CALN1: variants seen among roughly 807,000 people sequenced by gnomAD.
The protein encoded by CALN1 is calneuron 1.
Under a neutral mutation model 30.6 loss-of-function variants are expected in CALN1, and 17 were observed. The ratio of observed to expected loss-of-function variants is 0.56; its 90% CI spans 0.38 to 0.83. The LOEUF (loss-of-function observed/expected upper bound fraction) is 0.83. Among genes scored for constraint, CALN1 ranks in the 40% least tolerant of loss-of-function variants. The pLI, the probability that CALN1 is intolerant of heterozygous loss-of-function variation, is 0.00. For synonymous variants in CALN1, 156 were observed against 131.4 expected, an observed-to-expected ratio of 1.19 and a Z score of -1.28; for missense variants, 291 against 354.9, an observed-to-expected ratio of 0.82 and a Z score of 1.45.
chr7:71,923,027 T>TCTATACTATA (rs112246797), intron 5 of CALN1, among the ~76,000 whole-genome samples: 128 of 149,720 alleles, frequency 8.5e-4, no homozygotes, highest in African/African-American at 1.8e-3. Flanking sequence ...ACTATACTAT[T>TCTATACTATA]CTATACTATA....
chr7:72,351,603 T>G (rs552204476), intron 2 of CALN1, among the ~76,000 whole-genome samples: 1 of 152,306 alleles, frequency 6.6e-6, no homozygotes, highest in South Asian at 2.1e-4. Flanking sequence ...GATAGTCAAT[T>G]TATCCATGAA....
rs541858259 is a variant in CALN1 at position 72,230,050 on chromosome 7, G to A, written c.244+48636C>T. Among the ~76,000 whole-genome samples, 7 of 149,472 alleles carry A rather than the reference G, an allele frequency of 4.7e-5. 1 individual carries two copies. Among genetic ancestry groups the A allele is most frequent in the Non-Finnish European group, 9.0e-5 (6 of 66,434 alleles). ...CAGCTACTCAGGAGGCTGAGGCAGG[G>A]GAATGGCGTGAACCCAGGAGGCAGA... is the stretch of plus-strand genomic sequence containing the variant. On this transcript the variant is annotated intron_variant, in intron 3 of 6. Coordinates refer to ENST00000395275, the MANE Select transcript of CALN1 (RefSeq NM_031468.4).
At chr7:72,314,388 T>TATATACACATATATATACAC (rs1418350706) in intron 2 of CALN1, among the ~76,000 whole-genome samples, 3 of 143,752 alleles carry the variant, frequency 2.1e-5, no homozygotes, top group Non-Finnish European at 4.7e-5. Flanking sequence ...TATATACACA[T>TATATACACATATATATACAC]ATATATACAC....
intron 2 of CALN1, among the ~76,000 whole-genome samples, chr7:72,281,255 G>C (rs371785282): frequency 4.6e-5 from 7 of 152,126 alleles, no homozygotes; most frequent in African/African-American, 1.7e-4. Flanking sequence ...GCCCCTGAAA[G>C]ATGTAGGACC....
At chr7:72,377,437 G>A (rs1478449413) in intron 2 of CALN1, among the ~76,000 whole-genome samples, 2 of 3,602 alleles carry the variant, frequency 5.6e-4, no homozygotes, top group Non-Finnish European at 3.4e-3. Context: ...CCACACTTTC[G>A]TGTGTGTGTG....
rs190944969 is a variant in CALN1, at chr7:71,894,825, T to G, written c.502-84333A>C. ...GTTTAATTTGTATCAATTCTGTATA[T>G]TTCTTATTAAGGTTATTCCTGTGTG... is the stretch of plus-strand genomic sequence containing the variant. On this transcript the variant is annotated intron_variant, in intron 5 of 6. Transcript: ENST00000395275. 2.3e-4 allele frequency among the ~76,000 whole-genome samples: 35 copies of G among 152,376 alleles called. No individual in the cohort carries two copies. In the East Asian group the frequency reaches 6.4e-3, roughly 28 times the overall value.
intron 5 of CALN1, among the ~76,000 whole-genome samples, chr7:72,020,363 C>A (rs73368155): frequency 0.11 from 16,032 of 152,228 alleles, 1,141 homozygotes; most frequent in African/African-American, 0.2. Context: ...CACATGCACA[C>A]ACTCAGCTTT....
chr7:72,142,236 G>A (rs533463672), intron 3 of CALN1, among the ~76,000 whole-genome samples: 8 of 152,232 alleles, frequency 5.3e-5, no homozygotes, highest in Non-Finnish European at 1.0e-4. Context: ...AGGGAAGAAG[G>A]GACAAATGGC....
At chr7:72,417,114 C>T (rs1206195301), upstream of CALN1, among the ~76,000 whole-genome samples, 2 of 152,182 alleles carry the variant, frequency 1.3e-5, no homozygotes, top group Non-Finnish European at 2.9e-5. Context: ...AGGCGGAGGG[C>T]GGTCCCAGCC....
At chr7:72,102,956 C>T (rs573951343) in intron 4 of CALN1, among the ~76,000 whole-genome samples, 3 of 151,726 alleles carry the variant, frequency 2.0e-5, no homozygotes, top group South Asian at 2.1e-4. Flanking sequence ...ACCTGTAGGC[C>T]CAGCTACTTG....
At chr7:72,311,482 TTG>T (rs574830647) in intron 2 of CALN1, among the ~76,000 whole-genome samples, 1 of 150,982 alleles carries the variant, frequency 6.6e-6, no homozygotes. Flanking sequence ...TTTTTCTTTT[TTG>T]TGTGTGTGTG....
chr7:72,266,152 T>C (rs1796583771), intron 3 of CALN1, among the ~76,000 whole-genome samples: 1 of 151,472 alleles, frequency 6.6e-6, no homozygotes, highest in Non-Finnish European at 1.5e-5. Flanking sequence ...AAAAAAAAAC[T>C]AAACTACAAT....
intron 5 of CALN1, among the ~76,000 whole-genome samples, chr7:71,923,672 A>G (rs2129518608): frequency 6.6e-6 from 1 of 152,284 alleles, no homozygotes; most frequent in East Asian, 1.9e-4. Context: ...GAGCAGGGAT[A>G]ACATTCTCAT....
At chr7:71,863,463 CAGG>C (rs766311237) in intron 5 of CALN1, among the ~76,000 whole-genome samples, 4 of 141,786 alleles carry the variant, frequency 2.8e-5, no homozygotes, top group African/African-American at 5.2e-5. Flanking sequence ...GAGGCTGAGG[CAGG>C]AGAATTGCTT....
chr7:72,431,637 G>A (rs771645181), intron 1 of CALN1, among the ~76,000 whole-genome samples: 1 of 152,108 alleles, frequency 6.6e-6, no homozygotes, highest in Non-Finnish European at 1.5e-5. Flanking sequence ...CCAACAGTTC[G>A]AGACCAGCCT....
At chr7:72,422,251 G>A (rs1016928941) in intron 1 of CALN1, among the ~76,000 whole-genome samples, 8 of 152,326 alleles carry the variant, frequency 5.3e-5, no homozygotes, top group Middle Eastern at 3.4e-3. Flanking sequence ...CCCGCCAGCA[G>A]TGTAGAAGTG....
intron 3 of CALN1, among the ~76,000 whole-genome samples, chr7:72,168,233 C>CAAAA (rs61366296): frequency 1.4e-5 from 2 of 140,704 alleles, no homozygotes; most frequent in Non-Finnish European, 3.2e-5. Context: ...TGCAAACAAG[C>CAAAA]AAAAAAAAAA....
rs1792612370 is a variant in CALN1, at chr7:71,779,622, T to A, written c.*8153A>T. On this transcript the variant is annotated 3_prime_UTR_variant, in exon 7 of 7. Coordinates refer to ENST00000395275, the MANE Select transcript of CALN1 (RefSeq NM_031468.4). The stretch of plus-strand genomic sequence containing the variant: ...TCTGGTAAATATGGCAGTTTTCCTT[T>A]ATACACTAAGATAACATATTAATAA... The A allele has an allele frequency of 1.3e-5, 2 of 152,266 alleles. No homozygotes were observed. Among genetic ancestry groups the A allele is most frequent in the Non-Finnish European group, 2.9e-5 (2 of 68,056 alleles). The allele number at this position is 152,266 out of a possible 1,614,324, so 9.4% of individuals were successfully genotyped here.
chr7:72,187,457 GC>G (rs1790286974), intron 3 of CALN1, among the ~76,000 whole-genome samples: 1 of 152,144 alleles, frequency 6.6e-6, no homozygotes, highest in African/African-American at 2.4e-5. Context: ...CCTGAGCTCT[GC>G]CTCCTGTAAG....
Sources: allele counts gnomAD v4.1 joint callset (sites outside exome capture counted in the v4.1 genomes callset), GRCh38; gene constraint gnomAD v4.1.1; transcripts MANE v1.5; gene names NCBI Gene and HGNC (gene_info 2026-07-23, HGNC 2026-07-21).